Variants in ROBO2 observed in about 807,000 individuals in gnomAD.
ROBO2 encodes roundabout guidance receptor 2, also known as roundabout homolog 2.
ROBO2 carries 53 observed loss-of-function variants against 160.8 expected under a neutral mutation model. The observed-to-expected ratio is 0.33, with a 90% confidence interval of 0.26 to 0.41. The LOEUF is 0.41. Ranked by LOEUF, ROBO2 falls within the 10% of genes least tolerant of loss-of-function variation. The pLI, the probability that ROBO2 is intolerant of heterozygous loss-of-function variation, is 1.00. For synonymous variants in ROBO2, 664 were observed against 611.7 expected (o/e 1.09, Z -1.26); for missense variants, 1,577 against 1,722.4 (o/e 0.92, Z 1.49).
intron 2 of ROBO2, among the ~76,000 whole-genome samples, chr3:75,988,010 G>A (rs1456912119): frequency 2.0e-5 from 3 of 151,830 alleles, no homozygotes; most frequent in South Asian, 4.1e-4. Context: ...TTTTTGCAAT[G>A]TCTTTGTCTG....
At chr3:76,506,604 C>A (rs1037770959) in intron 2 of ROBO2, among the ~76,000 whole-genome samples, 1 of 152,084 alleles carries the variant, frequency 6.6e-6, no homozygotes, top group East Asian at 1.9e-4. Flanking sequence ...ATTCTTTGTA[C>A]CTTCATTAGA....
In ROBO2 at chr3:76,936,716, T is replaced by C. The variant is rs541445593; in HGVS notation, c.110-161298T>C. Among the ~76,000 whole-genome samples, 16 of 51,910 alleles carry C rather than the reference T, an allele frequency of 3.1e-4. 2 individuals are homozygous for C. The East Asian group carries it at 7.3e-3, about 24-fold the overall frequency. The allele number at this position is 51,910 out of a possible 152,430, so 34.1% of individuals were successfully genotyped here. ...CTTATAACACTGATTGAGAAACTGG[T>C]TCTAAGAATTCATTTTATTCACAAC... On this transcript the variant is annotated intron_variant, in intron 2 of 26. Transcript: ENST00000487694.
intron 2 of ROBO2, among the ~76,000 whole-genome samples, chr3:76,157,532 T>A (rs2072456032): frequency 6.6e-6 from 1 of 152,172 alleles, no homozygotes; most frequent in African/African-American, 2.4e-5. Context: ...TATAGACAGA[T>A]GTATATTTCT....
At chr3:77,204,681 A>G (rs1433494840) in intron 2 of ROBO2, among the ~76,000 whole-genome samples, 1 of 152,214 alleles carries the variant, frequency 6.6e-6, no homozygotes, top group East Asian at 1.9e-4. Flanking sequence ...TTGACTATCC[A>G]GTGGGCCACC....
intron 2 of ROBO2, among the ~76,000 whole-genome samples, chr3:77,468,877 G>T (rs1254927881): frequency 6.6e-6 from 1 of 152,148 alleles, no homozygotes; most frequent in African/African-American, 2.4e-5. Flanking sequence ...ATGCTACAGG[G>T]TGCCAGAGTG....
intron 2 of ROBO2, among the ~76,000 whole-genome samples, chr3:76,236,967 T>A (rs1704986257): frequency 6.6e-6 from 1 of 152,162 alleles, no homozygotes; most frequent in African/African-American, 2.4e-5. Context: ...TTACCAAAGC[T>A]AATTTCTTAG....
Position 76,803,527 on chromosome 3 carries a change from AAAAG to A in ROBO2, c.110-294482_110-294479del, listed in dbSNP as rs558467758. 4.2e-4 allele frequency among the ~76,000 whole-genome samples: 64 copies of A among 151,878 alleles called. No homozygotes were observed. In the South Asian group the frequency reaches 0.013, roughly 30 times the overall value. On this transcript the variant is annotated intron_variant, in intron 2 of 26. Coordinates refer to the ROBO2 transcript ENST00000487694. ...AGGAGGGGAGAGAGGGAGGCGAGAA[AAAAG>A]AAAGGAAAGTAGGAAAAGAGAAAAG...
At chr3:77,532,815 T>A (rs553040990) in intron 6 of ROBO2, among the ~76,000 whole-genome samples, 1 of 151,974 alleles carries the variant, frequency 6.6e-6, no homozygotes, top group East Asian at 1.9e-4. Context: ...TTTTCGTTTT[T>A]AAAAGAGAGA....
chr3:76,818,588 G>C (rs945934154), intron 2 of ROBO2, among the ~76,000 whole-genome samples: 3 of 151,838 alleles, frequency 2.0e-5, no homozygotes, highest in African/African-American at 7.3e-5. Context: ...TATTTAAAAG[G>C]GTTTTTCTGA....
intron 2 of ROBO2, among the ~76,000 whole-genome samples, chr3:76,172,103 C>T (rs892929570): frequency 2.0e-5 from 3 of 152,064 alleles, no homozygotes; most frequent in Non-Finnish European, 4.4e-5. Context: ...AACCACTGCC[C>T]ATGCGATAGT....
intron 2 of ROBO2, among the ~76,000 whole-genome samples, chr3:77,337,359 C>A (rs2066596726): frequency 6.6e-6 from 1 of 152,026 alleles, no homozygotes; most frequent in Non-Finnish European, 1.5e-5. Flanking sequence ...GATTAGCCCC[C>A]AAAATATTAA....
intron 2 of ROBO2, among the ~76,000 whole-genome samples, chr3:76,635,534 C>T (rs1024044152): frequency 6.6e-6 from 1 of 152,156 alleles, no homozygotes; most frequent in Non-Finnish European, 1.5e-5. Flanking sequence ...GCAGGAGGTA[C>T]TTTGCAAATG....
chr3:76,218,615 G>A (rs1165595324), intron 2 of ROBO2, among the ~76,000 whole-genome samples: 6 of 152,150 alleles, frequency 3.9e-5, no homozygotes, highest in African/African-American at 9.6e-5. Flanking sequence ...AGGGATGTGA[G>A]GGACCTCTTC....
chr3:76,692,874 A>G (rs2092832815), intron 2 of ROBO2, among the ~76,000 whole-genome samples: 2 of 151,574 alleles, frequency 1.3e-5, no homozygotes, highest in Non-Finnish European at 2.9e-5. Flanking sequence ...TCACAAACAC[A>G]CTATATAACT....
At chr3:76,787,926 G>C (rs1467539179) in intron 2 of ROBO2, among the ~76,000 whole-genome samples, 1 of 151,356 alleles carries the variant, frequency 6.6e-6, no homozygotes, top group African/African-American at 2.4e-5. Flanking sequence ...ATATAGAGCA[G>C]AAACAGTACC....
intron 2 of ROBO2, among the ~76,000 whole-genome samples, chr3:77,123,321 G>GT (rs760172954): frequency 4.6e-5 from 7 of 152,056 alleles, no homozygotes; most frequent in Non-Finnish European, 1.0e-4. Context: ...GTTTGTTTGT[G>GT]TTTTTTCTGC....
chr3:76,387,754 C>A (rs1228462865), intron 2 of ROBO2, among the ~76,000 whole-genome samples: 1 of 152,132 alleles, frequency 6.6e-6, no homozygotes, highest in Admixed American at 6.6e-5. Context: ...AGAGGGACTC[C>A]AGAGTCTGTG....
chr3:76,328,928 A>ATG (rs1402592161), intron 2 of ROBO2, among the ~76,000 whole-genome samples: 2 of 139,978 alleles, frequency 1.4e-5, no homozygotes, highest in African/African-American at 5.2e-5. Flanking sequence ...ATATATATAT[A>ATG]TATGTTATTA....
At chr3:76,353,316 TAA>T (rs2074983780) in intron 2 of ROBO2, among the ~76,000 whole-genome samples, 1 of 151,954 alleles carries the variant, frequency 6.6e-6, no homozygotes, top group Admixed American at 6.6e-5. Flanking sequence ...AACAGTATTT[TAA>T]GTGCTAATCA....
Sources: gnomAD v4.1 joint callset for allele counts (sites outside exome capture counted in the v4.1 genomes callset) on GRCh38, gnomAD v4.1.1 for gene constraint, MANE v1.5 for transcripts, NCBI Gene and HGNC (gene_info 2026-07-23, HGNC 2026-07-21) for gene names.